MYO3B: variants seen among roughly 807,000 people sequenced by gnomAD.
MYO3B encodes the protein myosin-IIIb.
A neutral mutation model predicts 174.6 loss-of-function variants in MYO3B; 156 were observed. The observed-to-expected ratio is 0.89, with a 90% CI of 0.78 to 1.02. The LOEUF (loss-of-function observed/expected upper bound fraction) is 1.02, where lower values mean the gene tolerates loss of function less well. MYO3B is among the 50% of genes least tolerant of loss of function. The pLI is 0.00. For missense variants in MYO3B, 1,632 were observed against 1,639.4 expected, an observed-to-expected ratio of 1.00 and a Z score of 0.08; for synonymous variants, 563 against 569.1, an observed-to-expected ratio of 0.99 and a Z score of 0.15.
intron 32 of MYO3B, among the ~76,000 whole-genome samples, chr2:170,558,520 A>G (rs1173221009): frequency 6.6e-6 from 1 of 152,176 alleles, no homozygotes; most frequent in Admixed American, 6.5e-5. Flanking sequence ...GCCTGTTTTT[A>G]AACTTTGCAC....
At chr2:170,548,309 G>C (rs936528001) in intron 32 of MYO3B, among the ~76,000 whole-genome samples, 3 of 152,058 alleles carry the variant, frequency 2.0e-5, no homozygotes, top group Non-Finnish European at 2.9e-5. Context: ...AAAAAGTAGA[G>C]TCATAGGAAA....
chr2:170,473,781 T>G (rs369034689), intron 25 of MYO3B, among the ~76,000 whole-genome samples: 6 of 152,246 alleles, frequency 3.9e-5, no homozygotes, highest in Admixed American at 2.0e-4. Context: ...TCCAAAGAGA[T>G]AAGCTTAATA....
At chr2:170,448,145 T>C (rs1683358002) in intron 23 of MYO3B, among the ~76,000 whole-genome samples, 1 of 152,136 alleles carries the variant, frequency 6.6e-6, no homozygotes, top group Non-Finnish European at 1.5e-5. Flanking sequence ...GGCAGTCTAG[T>C]CCCCAGGCAG....
At chr2:170,203,426 C>CT (rs986455091) in intron 3 of MYO3B, among the ~76,000 whole-genome samples, 4 of 127,654 alleles carry the variant, frequency 3.1e-5, no homozygotes, top group African/African-American at 5.8e-5. Context: ...AGTTTTACAT[C>CT]TTTTTTTTCC....
At chr2:170,493,345 C>T (rs1485899950) in intron 25 of MYO3B, among the ~76,000 whole-genome samples, 1 of 151,366 alleles carries the variant, frequency 6.6e-6, no homozygotes, top group Non-Finnish European at 1.5e-5. Flanking sequence ...TGTTTTTTTT[C>T]CCCTTGCATC....
intron 7 of MYO3B, among the ~76,000 whole-genome samples, chr2:170,287,245 G>A (rs2093563152): frequency 6.6e-6 from 1 of 152,138 alleles, no homozygotes; most frequent in Admixed American, 6.5e-5. Flanking sequence ...TATATACCCA[G>A]TAGTGGAATA....
intron 23 of MYO3B, among the ~76,000 whole-genome samples, chr2:170,449,100 G>T (rs189291481): frequency 6.6e-6 from 1 of 152,152 alleles, no homozygotes; most frequent in Non-Finnish European, 1.5e-5. Flanking sequence ...AGGTCCTAAG[G>T]TAACTTGGTG....
chr2:170,469,534 G>A (rs1353837736), intron 25 of MYO3B, among the ~76,000 whole-genome samples: 2 of 152,088 alleles, frequency 1.3e-5, no homozygotes, highest in African/African-American at 2.4e-5. Flanking sequence ...TCATGATGGC[G>A]TGGAGAACCA....
intron 7 of MYO3B, among the ~76,000 whole-genome samples, chr2:170,295,665 A>G (rs181123794): frequency 7.4e-4 from 113 of 152,262 alleles, no homozygotes; most frequent in African/African-American, 2.5e-3. Flanking sequence ...TGTTCCATAT[A>G]GTTTTTTGTA....
chr2:170,288,024 C>G (rs564499346), intron 7 of MYO3B, among the ~76,000 whole-genome samples: 3 of 151,980 alleles, frequency 2.0e-5, no homozygotes, highest in South Asian at 2.1e-4. Context: ...CAAAGATGAG[C>G]TGATTGTAAA....
rs762242618 is a variant in MYO3B at position 170,646,889 on chromosome 2, T to G, written c.3734-4739T>G. On this transcript the variant is annotated intron_variant, in intron 32 of 34. Coordinates refer to ENST00000408978, the MANE Select transcript of MYO3B (RefSeq NM_138995.5). ...TCAGTATCTCGTTTTCTAACTATAT[T>G]TCTCTGTCTCTCGCCTCAGCCTTTC... is the stretch of plus-strand genomic sequence containing the variant. The G allele has an allele frequency of 3.0e-6, 4 of 1,347,804 alleles. No homozygotes were observed. In the Admixed American group the frequency reaches 5.8e-5, roughly 19 times the overall value. The allele number at this position is 1,347,804 out of a possible 1,614,324, so 83.5% of individuals were successfully genotyped here. A position where few individuals can be genotyped will look rare whatever the true frequency, so the allele number is the denominator to read the frequency against.
At chr2:170,596,048 T>A (rs1474232008) in intron 32 of MYO3B, among the ~76,000 whole-genome samples, 3 of 152,228 alleles carry the variant, frequency 2.0e-5, no homozygotes, top group African/African-American at 7.2e-5. Flanking sequence ...TTGAAATGGA[T>A]GTCTTCTCCC....
intron 32 of MYO3B, among the ~76,000 whole-genome samples, chr2:170,635,802 C>T (rs188268226): frequency 3.8e-4 from 57 of 151,800 alleles, no homozygotes; most frequent in African/African-American, 1.3e-3. Context: ...AGGAGATATC[C>T]AAAGGTCTAA....
chr2:170,557,322 G>A (rs1235272198), intron 32 of MYO3B, among the ~76,000 whole-genome samples: 1 of 151,656 alleles, frequency 6.6e-6, no homozygotes, highest in Non-Finnish European at 1.5e-5. Flanking sequence ...TGTATTTTTA[G>A]TAGAGATGGG....
At chr2:170,541,956 G>A (rs1479786062) in intron 30 of MYO3B, among the ~76,000 whole-genome samples, 4 of 152,162 alleles carry the variant, frequency 2.6e-5, no homozygotes, top group African/African-American at 9.7e-5. Flanking sequence ...ATACGGAAAT[G>A]AATTTGTCAG....
chr2:170,416,818 GTTTTTTTTTTT>G (rs552594236), intron 22 of MYO3B, among the ~76,000 whole-genome samples: 3 of 116,118 alleles, frequency 2.6e-5, no homozygotes, highest in African/African-American at 3.3e-5. Flanking sequence ...TTTTTCTGTT[GTTTTTTTTTTT>G]TTTTTTTTTT....
At chr2:170,421,906 A>G (rs1007537032) in intron 22 of MYO3B, among the ~76,000 whole-genome samples, 3 of 152,150 alleles carry the variant, frequency 2.0e-5, no homozygotes, top group Admixed American at 6.5e-5. Context: ...TTGTTTAAGT[A>G]TAGGTGGCTT....
chr2:170,449,729 A>T (rs1397705039), intron 23 of MYO3B, among the ~76,000 whole-genome samples: 4 of 151,982 alleles, frequency 2.6e-5, no homozygotes, highest in African/African-American at 4.8e-5. Flanking sequence ...GTGAGCTGAG[A>T]TCGCGCCGTT....
intron 15 of MYO3B, 94 bp from the exon 16 acceptor site, chr2:170,392,287 C>T (rs1310642090): frequency 6.3e-6 from 5 of 789,914 alleles, no homozygotes; most frequent in East Asian, 2.8e-5. Flanking sequence ...AGTGAGGTCC[C>T]ATCTTTAAAC....
Sources: allele counts gnomAD v4.1 joint callset (sites outside exome capture counted in the v4.1 genomes callset), GRCh38; gene constraint gnomAD v4.1.1; transcripts MANE v1.5; gene names NCBI Gene and HGNC (gene_info 2026-07-23, HGNC 2026-07-21).